FABP6: variants seen among roughly 807,000 people sequenced by gnomAD.
The protein encoded by FABP6 is gastrotropin.
A neutral mutation model predicts 14.9 loss-of-function variants in FABP6; 13 were observed. The ratio of observed to expected loss-of-function variants is 0.87; its 90% CI spans 0.57 to 1.39. FABP6 has a LOEUF of 1.39. FABP6 is among the 40% of genes most tolerant of loss of function. The probability of loss-of-function intolerance (pLI) is 0.00; values close to 1 mark genes in which losing one functional copy is unlikely to be tolerated. For synonymous variants in FABP6, 75 were observed against 63.6 expected (o/e 1.18, Z -0.85); for missense variants, 161 against 167.2 (o/e 0.96, Z 0.20).
chr5:160,200,804 A>G (rs1305647685), intron 2 of FABP6, among the ~76,000 whole-genome samples: 1 of 151,920 alleles, frequency 6.6e-6, no homozygotes, highest in Non-Finnish European at 1.5e-5. Context: ...ATGGCTCCAC[A>G]CTTCCTCCTG....
intron 1 of FABP6, among the ~76,000 whole-genome samples, chr5:160,191,973 CAAAAAAAGA>C (rs1215018306): frequency 1.2e-4 from 18 of 149,422 alleles, no homozygotes; most frequent in East Asian, 9.9e-4. Flanking sequence ...GACTCCATCT[CAAAAAAAGA>C]AAAAAAAGAA....
At chr5:160,200,244 T>G (rs1759606487) in intron 2 of FABP6, among the ~76,000 whole-genome samples, 1 of 152,152 alleles carries the variant, frequency 6.6e-6, no homozygotes, top group South Asian at 2.1e-4. Context: ...TTAGTCATTA[T>G]TCTTAAGAAA....
intron 2 of FABP6, chr5:160,204,633 G>A (rs975037134): frequency 6.6e-6 from 1 of 152,216 alleles, no homozygotes; most frequent in African/African-American, 2.4e-5. Context: ...GGGATTACAG[G>A]CGCCCGCCAC....
chr5:160,229,594 A>T lies in FABP6; in HGVS notation c.37A>T (p.Lys13Ter). ...CGGCAAGTTCGAGATGGAGAGTGAG[A>T]AGAATTATGATGAGTTCATGAAGCT... Reference protein sequence around the residue: ...FTGKFEMESEKNYDEFMKLLG... With the variant: ...FTGKFEMESE Residue 13 changes from lysine (K) to a stop codon, truncating the protein, a stop_gained, in exon 1 of 4, where the codon AAG becomes TAG. Coordinates refer to ENST00000402432, the MANE Select transcript of FABP6 (RefSeq NM_001445.3). LOFTEE classifies it high-confidence loss of function. 1 of 1,613,942 alleles carries T rather than the reference A, an allele frequency of 6.2e-7. No individual in the cohort carries two copies. Among genetic ancestry groups the T allele is most frequent in the Admixed American group, 1.7e-5 (1 of 59,992 alleles).
At chr5:160,213,585 A>C (rs1424137174) in intron 2 of FABP6, 18 of 670,358 alleles carry the variant, frequency 2.7e-5, no homozygotes, top group Admixed American at 4.8e-5. Flanking sequence ...TATCCTTTTG[A>C]TAAATTTCTT....
chr5:160,197,330 TAAC>T (rs2113065788), intron 1 of FABP6: 1 of 152,360 alleles, frequency 6.6e-6, no homozygotes, highest in South Asian at 2.1e-4. Flanking sequence ...CCATTGCTAA[TAAC>T]AATGACACAG....
intron 1 of FABP6, among the ~76,000 whole-genome samples, chr5:160,231,664 G>A (rs1379662107): frequency 6.6e-6 from 1 of 152,140 alleles, no homozygotes; most frequent in African/African-American, 2.4e-5. Context: ...TCAAGGAGCT[G>A]GGATTACAGG....
chr5:160,220,730 A>AGTCTTT (rs1404631119), intron 3 of FABP6, among the ~76,000 whole-genome samples: 1 of 152,030 alleles, frequency 6.6e-6, no homozygotes, highest in Non-Finnish European at 1.5e-5. Context: ...CTTATGTTAC[A>AGTCTTT]GTCTTTATTT....
chr5:160,232,988 G>GT (rs56809300), intron 2 of FABP6, among the ~76,000 whole-genome samples: 9 of 143,706 alleles, frequency 6.3e-5, no homozygotes, highest in African/African-American at 1.0e-4. Context: ...GAGCATAAGT[G>GT]TTTTTTTTTT....
intron 2 of FABP6, among the ~76,000 whole-genome samples, chr5:160,212,528 G>T (rs1759913991): frequency 6.6e-6 from 1 of 150,542 alleles, no homozygotes; most frequent in Admixed American, 6.6e-5. Context: ...GACTGCAGTG[G>T]CACGATCTCC....
chr5:160,194,110 C>T (rs867139447), intron 1 of FABP6, among the ~76,000 whole-genome samples: 2 of 152,202 alleles, frequency 1.3e-5, no homozygotes, highest in African/African-American at 4.8e-5. Flanking sequence ...CTGGGGGACC[C>T]AGTACACCCT....
intron 1 of FABP6, 25 bp from the exon 2 acceptor site, chr5:160,232,073 C>T: frequency 6.2e-7 from 1 of 1,611,888 alleles, no homozygotes; most frequent in South Asian, 1.1e-5. Context: ...TCTTATATGG[C>T]TACTCTGCTT....
intron 2 of FABP6, among the ~76,000 whole-genome samples, chr5:160,199,527 C>T (rs111817900): frequency 6.6e-6 from 1 of 152,166 alleles, no homozygotes; most frequent in Non-Finnish European, 1.5e-5. Flanking sequence ...GAGGGCGCGC[C>T]AGGTCGCGGC....
intron 2 of FABP6, among the ~76,000 whole-genome samples, chr5:160,234,380 CT>C (rs35775372): frequency 0.63 from 52,378 of 83,770 alleles, 15,697 homozygotes; most frequent in Admixed American, 0.7. Flanking sequence ...AGAAATCTGA[CT>C]TTTTTTTTTT....
intron 2 of FABP6, among the ~76,000 whole-genome samples, chr5:160,209,851 C>T (rs7722329): frequency 0.9 from 136,999 of 152,282 alleles, 61,739 homozygotes; most frequent in Non-Finnish European, 0.92. Flanking sequence ...GCGTCCAGCC[C>T]TTTTCTATGT....
At chr5:160,237,904 A>G (rs970650271) in intron 3 of FABP6, among the ~76,000 whole-genome samples, 7 of 151,842 alleles carry the variant, frequency 4.6e-5, no homozygotes. Context: ...CCAACAGCCA[A>G]TTCCCCCTCC....
At chr5:160,225,093 G>GT (rs61110860), upstream of FABP6, among the ~76,000 whole-genome samples, 97 of 146,190 alleles carry the variant, frequency 6.6e-4, 1 homozygote, top group South Asian at 1.3e-3. Context: ...CCTGATAGCA[G>GT]TTTTTTTTTT....
intron 2 of FABP6, among the ~76,000 whole-genome samples, chr5:160,205,545 A>C (rs9313839): frequency 4.1e-4 from 63 of 152,280 alleles, no homozygotes; most frequent in African/African-American, 1.5e-3. Context: ...ACCCTGCTCC[A>C]GGAGAGGGAC....
intron 3 of FABP6, among the ~76,000 whole-genome samples, chr5:160,217,546 C>G (rs1381173205): frequency 6.6e-6 from 1 of 152,204 alleles, no homozygotes; most frequent in Non-Finnish European, 1.5e-5. Flanking sequence ...TTAACACACT[C>G]TTATATACTC....
Sources: gnomAD v4.1 joint callset for allele counts (sites outside exome capture counted in the v4.1 genomes callset) on GRCh38, gnomAD v4.1.1 for gene constraint, MANE v1.5 for transcripts, NCBI Gene and HGNC (gene_info 2026-07-23, HGNC 2026-07-21) for gene names.